The following RASSF2 variants were observed in gnomAD, a reference collection of about 807,000 sequenced individuals.
RASSF2 encodes Ras association domain family member 2.
Under a neutral mutation model 46.3 loss-of-function variants are expected in RASSF2, and 34 were observed. The ratio of observed to expected loss-of-function variants is 0.73; its 90% CI spans 0.56 to 0.98. The LOEUF is 0.98. Among genes scored for constraint, RASSF2 ranks in the 50% least tolerant of loss-of-function variants. The probability of loss-of-function intolerance (pLI) is 0.00; values close to 1 mark genes in which losing one functional copy is unlikely to be tolerated. For synonymous variants in RASSF2, 158 were observed against 162.5 expected, an observed-to-expected ratio of 0.97 and a Z score of 0.21; for missense variants, 364 against 431.2, an observed-to-expected ratio of 0.84 and a Z score of 1.38.
chr20:4,812,291 C>G lies in RASSF2; in HGVS notation c.-33+10038G>C, dbSNP rs1200295495. ...TGCCTGGACTCCTTTAACCCCTACA[C>G]CAACCTCATTACGAAAGAAACTTTA... is the stretch of plus-strand genomic sequence containing the variant. On this transcript the variant is annotated intron_variant, in intron 2 of 11. Coordinates refer to ENST00000379400, the MANE Select transcript of RASSF2 (RefSeq NM_014737.3). The surrounding 1 kb of genome is among the most constrained non-coding windows in gnomAD (Gnocchi z 4.0). 1.3e-5 allele frequency among the ~76,000 whole-genome samples: 2 copies of G among 152,212 alleles called. No homozygotes were observed. The highest frequency in any genetic ancestry group is 2.9e-5 in the Non-Finnish European group (2 of 68,046).
intron 2 of RASSF2, among the ~76,000 whole-genome samples, chr20:4,805,059 TGA>T: frequency 6.6e-6 from 1 of 151,860 alleles, no homozygotes; most frequent in East Asian, 1.9e-4. Flanking sequence ...CCCGACCTGG[TGA>T]GGAGTCTGGA....
intron 8 of RASSF2, among the ~76,000 whole-genome samples, chr20:4,788,525 A>T (rs1925567140): frequency 6.6e-6 from 1 of 152,216 alleles, no homozygotes; most frequent in Non-Finnish European, 1.5e-5. Context: ...TTGTGCAAAC[A>T]TCATAGAGTG....
chr20:4,805,626 T>C (rs923383425), intron 2 of RASSF2, among the ~76,000 whole-genome samples: 10 of 152,058 alleles, frequency 6.6e-5, no homozygotes, highest in Admixed American at 2.0e-4. Context: ...TGATCTGATG[T>C]ACATTTTGGA....
intron 4 of RASSF2, 58 bp downstream of exon 4, chr20:4,797,952 G>T (rs1320150236): frequency 9.3e-6 from 15 of 1,608,296 alleles, no homozygotes; most frequent in Non-Finnish European, 1.3e-5. Flanking sequence ...TCAGACCCAG[G>T]ACACATGGTG....
intron 9 of RASSF2, 75 bp from the exon 10 acceptor site, chr20:4,787,829 A>AAGGGATT: frequency 6.3e-7 from 1 of 1,588,914 alleles, no homozygotes. Context: ...CAGGGGTCCA[A>AAGGGATT]AGGCACCTTA....
Position 4,794,515 on chromosome 20 carries a change from C to T in RASSF2, c.287+1300G>A, listed in dbSNP as rs146784115. Among the ~76,000 whole-genome samples the T allele has an allele frequency of 2.2e-3, 332 of 151,622 alleles. 1 individual carries two copies. The highest frequency in any genetic ancestry group is 7.6e-3 in the African/African-American group (313 of 41,294). On this transcript the variant is annotated intron_variant, in intron 5 of 11. Coordinates refer to ENST00000379400, the MANE Select transcript of RASSF2 (RefSeq NM_014737.3). ...CCGAGAGGCAGAGGTTGCAGTGAGC[C>T]GAGATCGCATCACTGCACTCCAGCC...
At chr20:4,810,744 C>T (rs1258999501) in intron 2 of RASSF2, among the ~76,000 whole-genome samples, 1 of 152,114 alleles carries the variant, frequency 6.6e-6, no homozygotes, top group Non-Finnish European at 1.5e-5. Context: ...GCCCCAACCA[C>T]CCCCACCTCA....
intron 2 of RASSF2, among the ~76,000 whole-genome samples, chr20:4,821,305 G>A (rs1233073527): frequency 6.6e-6 from 1 of 152,046 alleles, no homozygotes; most frequent in Non-Finnish European, 1.5e-5. Context: ...GAGAGAGGTG[G>A]GCCGCAGAGC....
chr20:4,804,801 G>C (rs1927207247), intron 2 of RASSF2, among the ~76,000 whole-genome samples: 1 of 152,138 alleles, frequency 6.6e-6, no homozygotes, highest in African/African-American at 2.4e-5. Context: ...CAGCAGTCAA[G>C]GAAACAAGGC....
intron 2 of RASSF2, among the ~76,000 whole-genome samples, chr20:4,804,401 G>A (rs1488552542): frequency 7.0e-6 from 1 of 143,010 alleles, no homozygotes; most frequent in Admixed American, 7.2e-5. Flanking sequence ...GCAGTGGTGC[G>A]ATCTCAGCTC....
Position 4,790,601 on chromosome 20 carries a change from GC to G in RASSF2, c.386del (p.Gly129AlafsTer2). ...DQMPSSTDSR[G>X]LKPLQEDTPQ... ...GGGTGTCCTCCTGCAGGGGCTTCAGGCCCCTGGAGTCTGAGAGAGGAGAGGG... is the reference window on the plus strand; with the variant it reads ...GGGTGTCCTCCTGCAGGGGCTTCAGGCCCTGGAGTCTGAGAGAGGAGAGGG... On this transcript the variant is annotated frameshift_variant, in exon 7 of 12. Transcript: ENST00000379400. LOFTEE classifies it high-confidence loss of function. The surrounding 1 kb of genome is among the most constrained non-coding windows in gnomAD (Gnocchi z 4.3). The G allele has an allele frequency of 6.6e-7, 1 of 1,521,170 alleles. No homozygotes were observed. Among genetic ancestry groups the G allele is most frequent in the Non-Finnish European group, 8.7e-7 (1 of 1,145,844 alleles). The allele number at this position is 1,521,170 out of a possible 1,614,324, so 94.2% of individuals were successfully genotyped here.
intron 3 of RASSF2, 68 bp downstream of exon 3, chr20:4,800,904 C>T (rs1229651289): frequency 8.1e-6 from 11 of 1,359,946 alleles, no homozygotes; most frequent in Admixed American, 5.0e-5. Context: ...CAGCGGCTGC[C>T]GTCCACCCAC....
chr20:4,803,537 C>T (rs555405725), intron 2 of RASSF2, among the ~76,000 whole-genome samples: 2 of 152,032 alleles, frequency 1.3e-5, no homozygotes, highest in Non-Finnish European at 2.9e-5. Flanking sequence ...GAGGATCATT[C>T]GAGGCCAGGA....
At chr20:4,796,585 G>T (rs1926373380) in intron 4 of RASSF2, among the ~76,000 whole-genome samples, 1 of 152,184 alleles carries the variant, frequency 6.6e-6, no homozygotes, top group Non-Finnish European at 1.5e-5. Flanking sequence ...CGGGCTAAAT[G>T]ACAACTCTCC....
At chr20:4,791,865 C>T (rs532371232) in intron 6 of RASSF2, among the ~76,000 whole-genome samples, 1 of 152,148 alleles carries the variant, frequency 6.6e-6, no homozygotes, top group Non-Finnish European at 1.5e-5. Flanking sequence ...AAGTTCTTTA[C>T]AAATGTATAT....
chr20:4,784,172 T>G lies in RASSF2; in HGVS notation c.*101A>C. On this transcript the variant is annotated 3_prime_UTR_variant, in exon 12 of 12. Transcript: ENST00000379400. ...ATGGCTTGGCCGGAGCTGGGGAGGT[T>G]TGTGTCTAAATGTTTCCATGGAAAG... 2 of 1,229,652 alleles carry G rather than the reference T, an allele frequency of 1.6e-6. No individual in the cohort carries two copies. Among genetic ancestry groups the G allele is most frequent in the African/African-American group, 1.5e-5 (1 of 67,390 alleles). 76.2% of individuals were successfully genotyped at this position (1,229,652 alleles called of 1,614,324 possible). A position where few individuals can be genotyped will look rare whatever the true frequency, so the allele number is the denominator to read the frequency against.
Position 4,786,275 on chromosome 20 carries a change from C to T in RASSF2, c.867G>A (p.Lys289=). 3 of 1,613,750 alleles carry T rather than the reference C, an allele frequency of 1.9e-6. No individual in the cohort carries two copies. The highest frequency in any genetic ancestry group is 2.5e-6 in the Non-Finnish European group (3 of 1,179,616). ...CTTCCCGATCTTCTTCCTCCTGGAG[C>T]TTCTGAATGAAGCTTTTAAGTACCG... ...EMPVLKSFIQ[K]LQEEEDREVK... The change falls in exon 11 of 12, where the codon AAG becomes AAA. Residue 289 remains lysine (K), a synonymous_variant. Coordinates refer to ENST00000379400, the MANE Select transcript of RASSF2 (RefSeq NM_014737.3).
At chr20:4,794,323 C>T (rs1441968005) in intron 5 of RASSF2, among the ~76,000 whole-genome samples, 1 of 152,092 alleles carries the variant, frequency 6.6e-6, no homozygotes, top group East Asian at 1.9e-4. Flanking sequence ...GGTCCCGGAA[C>T]TTTGGGAGGT....
intron 2 of RASSF2, among the ~76,000 whole-genome samples, chr20:4,811,009 C>T (rs953565287): frequency 1.3e-5 from 2 of 152,106 alleles, no homozygotes; most frequent in Admixed American, 1.3e-4. Flanking sequence ...ACTCCAGGTG[C>T]TCATGAGACT....
Sources: allele counts gnomAD v4.1 joint callset (sites outside exome capture counted in the v4.1 genomes callset), GRCh38; gene constraint gnomAD v4.1.1; non-coding constraint Gnocchi (gnomAD v3.1); transcripts MANE v1.5; gene names NCBI Gene and HGNC (gene_info 2026-07-23, HGNC 2026-07-21).